The following GSE1 variants were observed in gnomAD, a reference collection of about 807,000 sequenced individuals.
The protein encoded by GSE1 is Gse1 coiled-coil protein, also known as genetic suppressor element 1.
Under a neutral mutation model 112.6 loss-of-function variants are expected in GSE1, and 32 were observed. The ratio of observed to expected loss-of-function variants is 0.28; its 90% confidence interval spans 0.21 to 0.38. GSE1 has a LOEUF of 0.38. Among genes scored for constraint, GSE1 ranks in the 10% least tolerant of loss-of-function variants. The pLI, the probability that GSE1 is intolerant of heterozygous loss-of-function variation, is 1.00. For synonymous variants in GSE1, 1,115 were observed against 735.6 expected (o/e 1.52, Z -8.35); for missense variants, 2,348 against 1,699.2 (o/e 1.38, Z -6.71).
At chr16:85,642,563 TG>T (rs1267551317) in intron 2 of GSE1, among the ~76,000 whole-genome samples, 3 of 152,208 alleles carry the variant, frequency 2.0e-5, no homozygotes, top group African/African-American at 7.2e-5. Flanking sequence ...ATCGGCAGCA[TG>T]GGCTAGGCAT....
chr16:85,254,715 G>A (rs1177121876), intron 1 of GSE1, among the ~76,000 whole-genome samples: 3 of 152,216 alleles, frequency 2.0e-5, no homozygotes, highest in African/African-American at 7.2e-5. Context: ...GATTTGAAAT[G>A]GGAGGGTCTT....
chr16:85,317,585 A>T (rs900691573), intron 1 of GSE1, among the ~76,000 whole-genome samples: 1 of 151,942 alleles, frequency 6.6e-6, no homozygotes, highest in African/African-American at 2.4e-5. Flanking sequence ...CGCCCTGCAC[A>T]GCCCCCAAGG....
At chr16:85,529,905 A>G (rs1477352523) in intron 2 of GSE1, among the ~76,000 whole-genome samples, 1 of 152,222 alleles carries the variant, frequency 6.6e-6, no homozygotes, top group Non-Finnish European at 1.5e-5. Flanking sequence ...CCTGTAGGGC[A>G]CCTTGCTGCA....
At chr16:85,336,611 T>C (rs1490461514) in intron 1 of GSE1, among the ~76,000 whole-genome samples, 4 of 151,996 alleles carry the variant, frequency 2.6e-5, no homozygotes, top group Non-Finnish European at 4.4e-5. Flanking sequence ...CAATTTTTTT[T>C]TTTTTTTCGA....
intron 1 of GSE1, among the ~76,000 whole-genome samples, chr16:85,217,500 G>A (rs1268587774): frequency 6.6e-6 from 1 of 152,226 alleles, no homozygotes; most frequent in East Asian, 1.9e-4. Flanking sequence ...CTCTGAGTTT[G>A]ACCAGGGGGA....
intron 1 of GSE1, among the ~76,000 whole-genome samples, chr16:85,571,388 A>T (rs1164760360): frequency 6.6e-6 from 1 of 152,258 alleles, no homozygotes; most frequent in African/African-American, 2.4e-5. Flanking sequence ...CAATCACAGC[A>T]GCTCCATCTT....
Position 85,661,771 on chromosome 16 carries a change from C to T in GSE1, c.2260+6C>T, listed in dbSNP as rs2052453701. The T allele has an allele frequency of 2.7e-6, 4 of 1,502,600 alleles. No homozygotes were observed. Among genetic ancestry groups the T allele is most frequent in the Admixed American group, 4.3e-5 (2 of 46,866 alleles). 93.1% of individuals were successfully genotyped at this position (1,502,600 alleles called of 1,614,324 possible). ...GCGGGAGGCCCAGGAGAAAGGTCTG[C>T]CTCCCCGCGGGCCCCGAGCTGCTCA... On this transcript the variant is annotated splice_donor_region_variant and intron_variant, in intron 9 of 15. Coordinates refer to ENST00000253458, the MANE Select transcript of GSE1 (RefSeq NM_014615.5).
chr16:85,602,159 A>T (rs1169098935), intron 1 of GSE1, among the ~76,000 whole-genome samples: 1 of 152,288 alleles, frequency 6.6e-6, no homozygotes, highest in Non-Finnish European at 1.5e-5. Context: ...GCACTTAACG[A>T]ATGCTGATTC....
chr16:85,471,200 G>T (rs558104699), intron 2 of GSE1, among the ~76,000 whole-genome samples: 3 of 152,222 alleles, frequency 2.0e-5, no homozygotes, highest in South Asian at 2.1e-4. Flanking sequence ...TGAAGAAGAG[G>T]CTGGGCTCTC....
rs533232018 is a variant in GSE1, at chr16:85,242,673, C to T, written c.2283+70866C>T. Among the ~76,000 whole-genome samples the T allele has an allele frequency of 9.8e-5, 15 of 152,286 alleles. No individual in the cohort carries two copies. The South Asian group carries it at 1.2e-3, about 13-fold the overall frequency. ...TCTGGAAACAGGAGGTATACGACAG[C>T]GACCCCGACCCCACTGCTCCTTAGA... is the stretch of plus-strand genomic sequence containing the variant. On this transcript the variant is annotated intron_variant, in intron 1 of 2. Transcript: ENST00000637419.
intron 2 of GSE1, among the ~76,000 whole-genome samples, chr16:85,412,821 A>G (rs12932431): frequency 0.073 from 11,055 of 152,250 alleles, 478 homozygotes; most frequent in Non-Finnish European, 0.099. Context: ...CACACCTGCA[A>G]ACACCCTTAC....
chr16:85,293,311 C>T (rs966478398), intron 1 of GSE1, among the ~76,000 whole-genome samples: 6 of 152,052 alleles, frequency 3.9e-5, no homozygotes, highest in Admixed American at 6.5e-5. Context: ...TCTGGGAGGC[C>T]GAGGCGGGTG....
intron 1 of GSE1, among the ~76,000 whole-genome samples, chr16:85,632,085 T>A (rs2049583498): frequency 6.6e-6 from 1 of 152,140 alleles, no homozygotes; most frequent in East Asian, 1.9e-4. Context: ...CCCTCCCGCT[T>A]GTTTGGATGT....
rs11642920 is a variant in GSE1 at position 85,177,946 on chromosome 16, A to G, written c.2283+6139A>G. ...CTCATCCATATCTACCTTGGAGAAG[A>G]GCACCCATATTCTACCCACTAACTG... is the stretch of plus-strand genomic sequence containing the variant. On this transcript the variant is annotated intron_variant, in intron 1 of 2. Coordinates refer to the GSE1 transcript ENST00000637419. Among the ~76,000 whole-genome samples, 5 of 152,078 alleles carry G rather than the reference A, an allele frequency of 3.3e-5. No homozygotes were observed. In the South Asian group the frequency reaches 8.3e-4, roughly 25 times the overall value.
At chr16:85,270,050 G>A (rs9889165) in intron 1 of GSE1, among the ~76,000 whole-genome samples, 73,736 of 148,200 alleles carry the variant, frequency 0.5, 21,678 homozygotes, top group African/African-American at 0.61. Flanking sequence ...AAGTCTGCTG[G>A]ACTCCACCCC....
At chr16:85,448,887 C>G (rs760049331) in intron 2 of GSE1, among the ~76,000 whole-genome samples, 1 of 152,240 alleles carries the variant, frequency 6.6e-6, no homozygotes, top group African/African-American at 2.4e-5. Flanking sequence ...CTGTGAACTC[C>G]GGTTTTGGGT....
chr16:85,656,384 AGCGCG>A lies in GSE1; in HGVS notation c.1032_1036del (p.Arg345AlafsTer4). 1 of 1,561,124 alleles carries A rather than the reference AGCGCG, an allele frequency of 6.4e-7. No individual in the cohort carries two copies. Among genetic ancestry groups the A allele is most frequent in the South Asian group, 1.1e-5 (1 of 87,218 alleles). ...GAGCTAAGGCGGGAGAGGGAGCGCG[AGCGCG>A]AGCGCGAGCGTGAGCGTGAGGCTGA... is the stretch of plus-strand genomic sequence containing the variant. On this transcript the variant is annotated frameshift_variant, in exon 7 of 16. Coordinates refer to ENST00000253458, the MANE Select transcript of GSE1 (RefSeq NM_014615.5). LOFTEE classifies it high-confidence loss of function.
At chr16:85,354,092 T>G (rs555959799) in intron 1 of GSE1, among the ~76,000 whole-genome samples, 3 of 152,166 alleles carry the variant, frequency 2.0e-5, no homozygotes, top group Non-Finnish European at 2.9e-5. Flanking sequence ...TTCCAGCTGC[T>G]CCAGGAAGCC....
At chr16:85,325,567 TCAGCC>T (rs1254319999) in intron 1 of GSE1, among the ~76,000 whole-genome samples, 3 of 151,482 alleles carry the variant, frequency 2.0e-5, no homozygotes, top group African/African-American at 2.4e-5. Flanking sequence ...TTCTCCTGCC[TCAGCC>T]TCTGGAATAG....
Sources: gnomAD v4.1 joint callset for allele counts (sites outside exome capture counted in the v4.1 genomes callset) on GRCh38, gnomAD v4.1.1 for gene constraint, MANE v1.5 for transcripts, NCBI Gene and HGNC (gene_info 2026-07-23, HGNC 2026-07-21) for gene names.